The following EPHX3 variants were observed in gnomAD, a reference collection of about 807,000 sequenced individuals.
EPHX3 encodes abhydrolase domain containing 9.
EPHX3 carries 39 observed loss-of-function variants against 40.2 expected under a neutral mutation model. That is an observed-to-expected ratio of 0.97 (90% CI 0.75 to 1.27). The LOEUF is 1.27. Among genes scored for constraint, EPHX3 ranks in the 50% most tolerant of loss-of-function variants. The probability of loss-of-function intolerance (pLI) is 0.00; values close to 1 mark genes in which losing one functional copy is unlikely to be tolerated. For missense variants in EPHX3, 442 were observed against 474.0 expected (o/e 0.93, Z 0.63); for synonymous variants, 213 against 209.7 (o/e 1.02, Z -0.14).
upstream of EPHX3, among the ~76,000 whole-genome samples, chr19:15,233,902 T>C (rs148699163): frequency 2.3e-3 from 344 of 151,888 alleles, 3 homozygotes; most frequent in African/African-American, 8.1e-3. Context: ...CTACTAAAAA[T>C]ACAAAAAATT....
chr19:15,231,951 G>A lies in EPHX3; in HGVS notation c.243+18C>T, dbSNP rs754322099. 1 of 1,612,438 alleles carries A rather than the reference G, an allele frequency of 6.2e-7. No homozygotes were observed. Among genetic ancestry groups the A allele is most frequent in the South Asian group, 1.1e-5 (1 of 91,050 alleles). ...CCCACGCGACCCCGCAGCCCCGATA[G>A]CGCCCCCGTGCGATCACCTTGAGGT... On this transcript the variant is annotated intron_variant, in intron 1 of 6. Transcript: ENST00000221730.
Position 15,231,963 on chromosome 19 carries a change from G to A in EPHX3, c.243+6C>T, listed in dbSNP as rs1228319753. 1.2e-6 allele frequency: 2 copies of A among 1,612,116 alleles called. No individual in the cohort carries two copies. The highest frequency in any genetic ancestry group is 1.7e-6 in the Non-Finnish European group (2 of 1,179,846). On this transcript the variant is annotated splice_donor_region_variant and intron_variant, in intron 1 of 6. Coordinates refer to ENST00000221730, the MANE Select transcript of EPHX3 (RefSeq NM_024794.3). ...CGCAGCCCCGATAGCGCCCCCGTGCGATCACCTTGAGGTTCAGGAAACCGT... is the reference window on the plus strand; with the variant it reads ...CGCAGCCCCGATAGCGCCCCCGTGCAATCACCTTGAGGTTCAGGAAACCGT...
chr19:15,232,123 G>T lies in EPHX3; in HGVS notation c.89C>A (p.Ser30Ter). Reference sequence around the variant, plus strand: ...GACCGCCGCGGCCACCAGCGCCACCGAGAACACCAGGCTCCACATGAAGGC... The same window carrying T: ...GACCGCCGCGGCCACCAGCGCCACCTAGAACACCAGGCTCCACATGAAGGC... ...LRAFMWSLVF[S>*]VALVAAAVYG... Residue 30 changes from serine to a stop codon, truncating the protein, a stop_gained, in exon 1 of 7, where the codon TCG becomes TAG. Transcript: ENST00000221730. LOFTEE classifies it high-confidence loss of function. 6.5e-7 allele frequency: 1 copy of T among 1,543,794 alleles called. No homozygotes were observed. Among genetic ancestry groups the T allele is most frequent in the Non-Finnish European group, 8.7e-7 (1 of 1,151,928 alleles).
rs200450963 is a variant in EPHX3, at chr19:15,227,543, C to T, written c.977G>A (p.Arg326His). The change falls in exon 7 of 7, where the codon CGC becomes CAC. Residue 326 changes from arginine to histidine, a missense_variant. By Grantham distance (29) the Arg-to-His change is conservative (BLOSUM62 0). Transcript: ENST00000221730. ...GCCTGGCAGGATGTGGGCCTCCAAGCGGCCCGGCACAAAGCGGCTGCCGAT... is the reference window on the plus strand; with the variant it reads ...GCCTGGCAGGATGTGGGCCTCCAAGTGGCCCGGCACAAAGCGGCTGCCGAT... ...EAIGSRFVPG[R>H]LEAHILPGIG... is the part of the protein sequence containing the mutation. 145 of 1,614,038 alleles carry T rather than the reference C, an allele frequency of 9.0e-5. No homozygotes were observed. The highest frequency in any genetic ancestry group is 1.8e-4 in the South Asian group (16 of 91,084).
upstream of EPHX3, among the ~76,000 whole-genome samples, chr19:15,234,591 C>T (rs1373981710): frequency 2.0e-5 from 3 of 152,208 alleles, no homozygotes; most frequent in African/African-American, 7.2e-5. Context: ...TGCAAGCCAC[C>T]GTGCCTGACC....
chr19:15,229,813 G>A (rs2047139861), intron 4 of EPHX3, among the ~76,000 whole-genome samples: 1 of 142,686 alleles, frequency 7.0e-6, no homozygotes, highest in Non-Finnish European at 1.5e-5. Flanking sequence ...CTTGAACCTG[G>A]GAGGCGGAGG....
In EPHX3 at chr19:15,232,148, C is replaced by T; in HGVS notation, c.64G>A (p.Ala22Thr). ...GAGAACACCAGGCTCCACATGAAGG[C>T]GCGCAGCAGCTTCAGCGACAGGCGC... ...PSRLSLKLLR[A>T]FMWSLVFSVA... Residue 22 changes from alanine to threonine, a missense_variant, in exon 1 of 7, where the codon GCC becomes ACC. Coordinates refer to ENST00000221730, the MANE Select transcript of EPHX3 (RefSeq NM_024794.3). 1 of 1,532,506 alleles carries T rather than the reference C, an allele frequency of 6.5e-7. No individual in the cohort carries two copies. The highest frequency in any genetic ancestry group is 8.7e-7 in the Non-Finnish European group (1 of 1,147,080). The allele number at this position is 1,532,506 out of a possible 1,614,324, so 94.9% of individuals were successfully genotyped here.
At chr19:15,231,151 G>T in intron 3 of EPHX3, 61 bp from the exon 4 acceptor site, 1 of 1,612,532 alleles carries the variant, frequency 6.2e-7, no homozygotes, top group Non-Finnish European at 8.5e-7. Flanking sequence ...GCAGGGATGG[G>T]GGAAGTAGGT....
In EPHX3 at chr19:15,227,461, G is replaced by T. The variant is rs2047119888; in HGVS notation, c.1059C>A (p.Ala353=). ...ACTAGTCCAGCAGGTCTTGCAAGAA[G>T]GCCCACATGTACTGGTGCATCTCCT... ...NPQEMHQYMW[A]FLQDLLD is the part of the protein sequence containing the mutation. The change falls in exon 7 of 7, where the codon GCC becomes GCA. Residue 353 remains alanine, a synonymous_variant. Transcript: ENST00000221730. 6.2e-7 allele frequency: 1 copy of T among 1,614,124 alleles called. No individual in the cohort carries two copies. Among genetic ancestry groups the T allele is most frequent in the Non-Finnish European group, 8.5e-7 (1 of 1,179,994 alleles).
upstream of EPHX3, chr19:15,235,914 C>T (rs1477433101): frequency 6.6e-6 from 1 of 152,204 alleles, no homozygotes; most frequent in Admixed American, 6.5e-5. Flanking sequence ...AGCAGTTGGA[C>T]CCAGGCTGGG....
At chr19:15,234,950 CT>C (rs371818474), upstream of EPHX3, among the ~76,000 whole-genome samples, 2 of 152,342 alleles carry the variant, frequency 1.3e-5, no homozygotes, top group East Asian at 3.9e-4. Flanking sequence ...TACTTAACCA[CT>C]ACCTTTCTTT....
chr19:15,231,938 C>T, intron 1 of EPHX3, 31 bp downstream of exon 1: 1 of 1,612,574 alleles, frequency 6.2e-7, no homozygotes, highest in African/African-American at 1.3e-5. Context: ...CACGCGACCC[C>T]GCAGCCCCGA....
At position 15,228,102 on chromosome 19, in the gene EPHX3, TGGGGTGGGAGGGTTG is replaced by T; in HGVS notation, c.617-17_617-3del. ...GGCTGATGTGGTGCAGGGAATAGTC[TGGGGTGGGAGGGTTG>T]GGGGAGAGATATAAGGCCTGCTCCT... On this transcript the variant is annotated splice_region_variant and splice_polypyrimidine_tract_variant and intron_variant, in intron 4 of 6. Coordinates refer to ENST00000221730, the MANE Select transcript of EPHX3 (RefSeq NM_024794.3). The T allele has an allele frequency of 2.4e-6, 1 of 408,996 alleles. No individual in the cohort carries two copies. Among genetic ancestry groups the T allele is most frequent in the Admixed American group, 3.0e-5 (1 of 33,570 alleles). The allele number at this position is 408,996 out of a possible 1,614,324, so 25.3% of individuals were successfully genotyped here.
At chr19:15,232,500 CG>C, upstream of EPHX3, 1 of 1,172,666 alleles carries the variant, frequency 8.5e-7, no homozygotes, top group Non-Finnish European at 1.1e-6. Context: ...AATAAATGGG[CG>C]GGGCCTAGCA....
Position 15,227,254 on chromosome 19 carries a change from G to A in EPHX3, c.*183C>T. 3 of 606,112 alleles carry A rather than the reference G, an allele frequency of 4.9e-6. No individual in the cohort carries two copies. The highest frequency in any genetic ancestry group is 2.0e-5 in the South Asian group (1 of 51,236). The allele number at this position is 606,112 out of a possible 1,614,324, so 37.5% of individuals were successfully genotyped here. On this transcript the variant is annotated 3_prime_UTR_variant, in exon 7 of 7. Transcript: ENST00000221730. Reference sequence around the variant, plus strand: ...GCATCCATGCCTGTGTGTGAGTATAGGGGTTGGTGTGTCCCGAGGCACCCA... The same window carrying A: ...GCATCCATGCCTGTGTGTGAGTATAAGGGTTGGTGTGTCCCGAGGCACCCA...
At chr19:15,230,933 A>C (rs771830374) in intron 4 of EPHX3, 29 bp downstream of exon 4, 3 of 1,611,794 alleles carry the variant, frequency 1.9e-6, no homozygotes, top group South Asian at 1.1e-5. Flanking sequence ...ACATAAGTAC[A>C]TCCCAGTGTC....
chr19:15,229,908 A>AAAAAAAAAAG (rs2047141752), intron 4 of EPHX3, among the ~76,000 whole-genome samples: 1 of 141,752 alleles, frequency 7.1e-6, no homozygotes, highest in African/African-American at 2.6e-5. Context: ...AAAAAAAAAA[A>AAAAAAAAAAG]AAAGAAAAGA....
chr19:15,229,610 A>G (rs145788754), intron 4 of EPHX3, among the ~76,000 whole-genome samples: 84,480 of 145,644 alleles, frequency 0.58, 24,981 homozygotes, highest in African/African-American at 0.71. Flanking sequence ...AAAAAAAAAA[A>G]GGGGCCAGGC....
Position 15,232,368 on chromosome 19 carries a change from C to T in EPHX3, c.-157G>A. On this transcript the variant is annotated 5_prime_UTR_variant, in exon 1 of 7. Coordinates refer to ENST00000221730, the MANE Select transcript of EPHX3 (RefSeq NM_024794.3). ...GCGCTGAAGGAAGAGGCGGGCGGCT[C>T]CGACAGAAAACAGCCAGAGCGCACC... 7.3e-7 allele frequency: 1 copy of T among 1,374,950 alleles called. No homozygotes were observed. Among genetic ancestry groups the T allele is most frequent in the Non-Finnish European group, 9.3e-7 (1 of 1,073,582 alleles). The allele number at this position is 1,374,950 out of a possible 1,614,324, so 85.2% of individuals were successfully genotyped here.
Sources: allele counts gnomAD v4.1 joint callset (sites outside exome capture counted in the v4.1 genomes callset), GRCh38; gene constraint gnomAD v4.1.1; transcripts MANE v1.5; gene names NCBI Gene and HGNC (gene_info 2026-07-23, HGNC 2026-07-21).